SLC9B1: variants seen among roughly 807,000 people sequenced by gnomAD.
SLC9B1 encodes the protein solute carrier family 9 member B1, also known as sodium/hydrogen exchanger 9B1.
Under a neutral mutation model 51.7 loss-of-function variants are expected in SLC9B1, and 32 were observed. That is an observed-to-expected ratio of 0.62 (90% confidence interval 0.47 to 0.83). SLC9B1 has a LOEUF of 0.83. Ranked by LOEUF, SLC9B1 falls within the 40% of genes least tolerant of loss-of-function variation. The pLI is 0.00. For missense variants in SLC9B1, 406 were observed against 613.2 expected (o/e 0.66, Z 3.57); for synonymous variants, 145 against 212.7 (o/e 0.68, Z 2.77).
chr4:102,886,599 ATTTATT>A (rs1386737759), intron 11 of SLC9B1, among the ~76,000 whole-genome samples: 1 of 152,082 alleles, frequency 6.6e-6, no homozygotes, highest in African/African-American at 2.4e-5. Context: ...ATTTTTTAAA[ATTTATT>A]TTTATTTATT....
intron 3 of SLC9B1, among the ~76,000 whole-genome samples, chr4:102,975,858 C>T (rs750182743): frequency 4.3e-4 from 65 of 150,934 alleles, no homozygotes; most frequent in Non-Finnish European, 8.1e-4. Flanking sequence ...TGAACTACCA[C>T]GCCTGGCCAG....
intron 11 of SLC9B1, chr4:102,889,213 C>T (rs1371791158): frequency 6.6e-6 from 1 of 152,234 alleles, no homozygotes; most frequent in Non-Finnish European, 1.5e-5. Flanking sequence ...CCTCACATGT[C>T]AGTGGGGGAT....
chr4:102,966,644 G>A (rs1181416542), intron 3 of SLC9B1, among the ~76,000 whole-genome samples: 1 of 152,182 alleles, frequency 6.6e-6, no homozygotes, highest in East Asian at 1.9e-4. Context: ...AAACCATTCC[G>A]TCCTCCTAGA....
chr4:102,993,007 T>C (rs1476587148), intron 1 of SLC9B1, among the ~76,000 whole-genome samples: 1 of 152,138 alleles, frequency 6.6e-6, no homozygotes, highest in Non-Finnish European at 1.5e-5. Context: ...ACCTATACCT[T>C]GTCCCACCCA....
chr4:102,946,402 T>G (rs1335952772), intron 5 of SLC9B1, among the ~76,000 whole-genome samples: 1 of 152,046 alleles, frequency 6.6e-6, no homozygotes, highest in Admixed American at 6.6e-5. Flanking sequence ...CCTCCGTCTC[T>G]CAGGTTCAAG....
chr4:102,885,755 G>A (rs1733877314), intron 11 of SLC9B1, among the ~76,000 whole-genome samples: 1 of 152,162 alleles, frequency 6.6e-6, no homozygotes, highest in Non-Finnish European at 1.5e-5. Context: ...GTAAATAGTG[G>A]TCAAATATAC....
At chr4:102,998,894 T>G (rs1212709691) in intron 1 of SLC9B1, among the ~76,000 whole-genome samples, 9 of 152,218 alleles carry the variant, frequency 5.9e-5, no homozygotes, top group Non-Finnish European at 1.3e-4. Flanking sequence ...AAGGTCTCAT[T>G]ATGTCACCCA....
chr4:102,898,794 C>A (rs1321425799), downstream of SLC9B1, among the ~76,000 whole-genome samples: 1 of 152,252 alleles, frequency 6.6e-6, no homozygotes, highest in Non-Finnish European at 1.5e-5. Context: ...GTGGCGTGAT[C>A]TTGGCTCACT....
chr4:102,893,876 CA>C (rs1341810699), intron 11 of SLC9B1, among the ~76,000 whole-genome samples: 2 of 152,138 alleles, frequency 1.3e-5, no homozygotes, highest in Admixed American at 6.5e-5. Context: ...GCCTGGGTGA[CA>C]GAGCAAGTCT....
rs906426568 is a variant in SLC9B1, at chr4:102,906,551, C to T, written c.1180G>A (p.Glu394Lys). ...TTATTCTTACCAACAATATTTGATT[C>T]AAGCGATGAAACAGATACTTCTGCT... ...VGAEVSVSSL[E>K]SNIVGISVAT... is the part of the protein sequence containing the mutation. Residue 394 changes from glutamate to lysine, a missense_variant, in exon 10 of 12, where the codon GAA becomes AAA. Transcript: ENST00000296422. 6 of 1,546,680 alleles carry T rather than the reference C, an allele frequency of 3.9e-6. No individual in the cohort carries two copies. The African/African-American group carries it at 8.2e-5, about 21-fold the overall frequency.
At chr4:102,913,239 C>G (rs1735424234) in intron 7 of SLC9B1, among the ~76,000 whole-genome samples, 1 of 152,142 alleles carries the variant, frequency 6.6e-6, no homozygotes, top group Admixed American at 6.5e-5. Context: ...ACTTGACACC[C>G]AACTGGCATA....
intron 11 of SLC9B1, among the ~76,000 whole-genome samples, chr4:102,893,822 G>A (rs1200057846): frequency 6.6e-6 from 1 of 152,058 alleles, no homozygotes; most frequent in Non-Finnish European, 1.5e-5. Flanking sequence ...TTGAACCCAG[G>A]AGGCAGAGGT....
At chr4:102,906,720 C>CTT (rs199755323) in intron 9 of SLC9B1, 76 bp from the exon 10 acceptor site, 32 of 456,330 alleles carry the variant, frequency 7.0e-5, no homozygotes, top group Admixed American at 9.9e-5. Flanking sequence ...CTTCCCCCCC[C>CTT]TTTTTTTTTT....
At chr4:102,909,296 CAA>C (rs35570979) in intron 9 of SLC9B1, among the ~76,000 whole-genome samples, 1 of 144,504 alleles carries the variant, frequency 6.9e-6, no homozygotes. Context: ...GACTCTGTCT[CAA>C]AAAAAAAAAA....
intron 3 of SLC9B1, among the ~76,000 whole-genome samples, chr4:102,957,978 T>C (rs1560951385): frequency 6.6e-6 from 1 of 152,182 alleles, no homozygotes; most frequent in Non-Finnish European, 1.5e-5. Flanking sequence ...GTGAAGATGA[T>C]TGATTATTAT....
At chr4:102,918,094 G>GAA (rs1430447330) in intron 7 of SLC9B1, among the ~76,000 whole-genome samples, 1 of 81,006 alleles carries the variant, frequency 1.2e-5, no homozygotes, top group African/African-American at 6.0e-5. Context: ...AAAAAGGCTA[G>GAA]AGAAAAAAAA....
chr4:102,899,764 G>C (rs1734705180), downstream of SLC9B1, among the ~76,000 whole-genome samples: 1 of 152,108 alleles, frequency 6.6e-6, no homozygotes, highest in Admixed American at 6.5e-5. Flanking sequence ...GATTTAAATA[G>C]TAGTCAAAAC....
chr4:102,967,128 T>C (rs1412683759), intron 3 of SLC9B1, among the ~76,000 whole-genome samples: 1 of 152,256 alleles, frequency 6.6e-6, no homozygotes, highest in South Asian at 2.1e-4. Context: ...GCTGTCCATA[T>C]TTTTATCAGC....
intron 10 of SLC9B1, 175 bp downstream of exon 10, chr4:102,906,361 A>G (rs1355991050): frequency 2.5e-6 from 1 of 394,536 alleles, no homozygotes; most frequent in African/African-American, 2.1e-5. Context: ...GTTTATAAAA[A>G]AAAAAGAGCA....
Sources: gnomAD v4.1 joint callset for allele counts (sites outside exome capture counted in the v4.1 genomes callset) on GRCh38, gnomAD v4.1.1 for gene constraint, MANE v1.5 for transcripts, NCBI Gene and HGNC (gene_info 2026-07-23, HGNC 2026-07-21) for gene names.